Variants in SLC26A7 observed in about 807,000 individuals in gnomAD.
SLC26A7 encodes anion exchange transporter.
SLC26A7 carries 59 observed loss-of-function variants against 82.5 expected under a neutral mutation model. That is an observed-to-expected ratio of 0.72 (90% CI 0.58 to 0.89). The LOEUF (loss-of-function observed/expected upper bound fraction) is 0.89. SLC26A7 is among the 40% of genes least tolerant of loss of function. SLC26A7 has a pLI of 0.00. For missense variants in SLC26A7, 820 were observed against 793.0 expected (o/e 1.03, Z -0.41); for synonymous variants, 271 against 274.3 (o/e 0.99, Z 0.12).
chr8:91,249,748 C>T lies in SLC26A7; in HGVS notation c.97C>T (p.Pro33Ser), dbSNP rs1314773572. 1.2e-6 allele frequency: 2 copies of T among 1,612,428 alleles called. No individual in the cohort carries two copies. Among genetic ancestry groups the T allele is most frequent in the Non-Finnish European group, 8.5e-7 (1 of 1,179,146 alleles). ...DIIQWCRRRL[P>S]ILDWAPHYNL... is the part of the protein sequence containing the mutation. ...TATACAGTGGTGTAGAAGGCGACTG[C>T]CCATTTTGGATTGGGCACCACATTA... Residue 33 changes from proline (P) to serine (S), a missense_variant, in exon 2 of 19, where the codon CCC becomes TCC. Physicochemically the swap from Pro to Ser is moderately conservative, Grantham distance 74. Coordinates refer to ENST00000276609, the MANE Select transcript of SLC26A7 (RefSeq NM_052832.4).
At chr8:91,340,280 T>A in intron 7 of SLC26A7, 124 bp from the exon 8 acceptor site, 1 of 1,237,596 alleles carries the variant, frequency 8.1e-7, no homozygotes, top group Non-Finnish European at 1.1e-6. Flanking sequence ...CTGCTTGGTT[T>A]TCTCATGGGT....
intron 16 of SLC26A7, among the ~76,000 whole-genome samples, chr8:91,390,959 G>A (rs1814950763): frequency 6.6e-6 from 1 of 152,138 alleles, no homozygotes; most frequent in African/African-American, 2.4e-5. Context: ...TGTGGAGGAG[G>A]GGATAGTCTT....
rs1344856581 is a variant in SLC26A7 at position 91,261,294 on chromosome 8, G to A, written c.193+11450G>A. On this transcript the variant is annotated intron_variant, in intron 2 of 18. Coordinates refer to ENST00000276609, the MANE Select transcript of SLC26A7 (RefSeq NM_052832.4). The stretch of plus-strand genomic sequence containing the variant: ...TATAAGACAACAATCCAGCCCACAA[G>A]GGGCTTATTATTTTTTCTGTCTTCA... Among the ~76,000 whole-genome samples, 8 of 152,210 alleles carry A rather than the reference G, an allele frequency of 5.3e-5. 1 individual carries two copies. In the East Asian group the frequency reaches 1.5e-3, roughly 29 times the overall value.
At chr8:91,343,522 G>GAAT in intron 9 of SLC26A7, 56 bp downstream of exon 9, 9 of 1,188,592 alleles carry the variant, frequency 7.6e-6, no homozygotes, top group Non-Finnish European at 8.5e-6. Context: ...TCCCATTCTA[G>GAAT]GAGAGTGGGA....
At chr8:91,346,774 C>T (rs1813574888) in intron 9 of SLC26A7, among the ~76,000 whole-genome samples, 1 of 152,182 alleles carries the variant, frequency 6.6e-6, no homozygotes, top group South Asian at 2.1e-4. Flanking sequence ...CGTCCTGGCA[C>T]AGCCTCCTCT....
chr8:91,340,729 T>C lies in SLC26A7; in HGVS notation c.1026+178T>C. 7 of 687,506 alleles carry C rather than the reference T, an allele frequency of 1.0e-5. No individual in the cohort carries two copies. In the South Asian group the frequency reaches 1.3e-4, roughly 13 times the overall value. 42.6% of individuals were successfully genotyped at this position (687,506 alleles called of 1,614,324 possible). ...TTCATAGGAAGCTAAAAACCTGACA[T>C]TGATTGTTCACAATGCTTTTTATTT... On this transcript the variant is annotated intron_variant, in intron 8 of 18. Transcript: ENST00000276609.
At chr8:91,350,104 G>A (rs1813672324) in intron 9 of SLC26A7, among the ~76,000 whole-genome samples, 1 of 151,938 alleles carries the variant, frequency 6.6e-6, no homozygotes, top group Non-Finnish European at 1.5e-5. Flanking sequence ...TTTCCCCTTT[G>A]TATGCTGACG....
chr8:91,369,236 C>T (rs1276121868), intron 14 of SLC26A7, among the ~76,000 whole-genome samples: 4 of 151,994 alleles, frequency 2.6e-5, no homozygotes, highest in East Asian at 1.9e-4. Context: ...CATATAGTGA[C>T]GAGTGAAGAA....
intron 2 of SLC26A7, among the ~76,000 whole-genome samples, chr8:91,263,831 T>C (rs1246511347): frequency 6.6e-6 from 1 of 152,088 alleles, no homozygotes; most frequent in Non-Finnish European, 1.5e-5. Flanking sequence ...CTGAGATCTG[T>C]AGGTGCAGGG....
chr8:91,361,831 A>C (rs1814058428), intron 11 of SLC26A7, among the ~76,000 whole-genome samples: 1 of 152,122 alleles, frequency 6.6e-6, no homozygotes, highest in Middle Eastern at 3.2e-3. Context: ...TGATCTTCAT[A>C]GTGATTGATC....
At chr8:91,229,903 G>T (rs956218563) in intron 2 of SLC26A7, among the ~76,000 whole-genome samples, 1 of 152,120 alleles carries the variant, frequency 6.6e-6, no homozygotes, top group Non-Finnish European at 1.5e-5. Context: ...TAAAAAATTC[G>T]TTTATCTGAA....
chr8:91,356,445 A>C (rs1813870119), intron 11 of SLC26A7, among the ~76,000 whole-genome samples: 1 of 151,976 alleles, frequency 6.6e-6, no homozygotes, highest in Non-Finnish European at 1.5e-5. Flanking sequence ...ATGGTATCTC[A>C]TTGTGGTTTT....
chr8:91,242,113 T>A (rs10956797), intron 2 of SLC26A7, among the ~76,000 whole-genome samples: 104,000 of 152,054 alleles, frequency 0.68, 35,953 homozygotes, highest in Middle Eastern at 0.76. Flanking sequence ...TTTTCTCTGC[T>A]ATTATTATCC....
chr8:91,308,575 T>C (rs1335530834), intron 4 of SLC26A7, among the ~76,000 whole-genome samples: 1 of 152,112 alleles, frequency 6.6e-6, no homozygotes, highest in Non-Finnish European at 1.5e-5. Flanking sequence ...CTGTATTCTG[T>C]GGAAATAAGT....
intron 2 of SLC26A7, among the ~76,000 whole-genome samples, chr8:91,277,931 G>T (rs971680291): frequency 1.3e-5 from 2 of 152,148 alleles, no homozygotes; most frequent in African/African-American, 4.8e-5. Flanking sequence ...TGTAAACCAA[G>T]AGGGCAGGAG....
chr8:91,363,452 T>G lies in SLC26A7; in HGVS notation c.1422-20T>G. On this transcript the variant is annotated intron_variant, in intron 12 of 18. Transcript: ENST00000276609. ...GATTAGGAAATGACTTGTTTTATTTTCTATCTGCTTTAATTTCAGAGCAAT... is the reference window on the plus strand; with the variant it reads ...GATTAGGAAATGACTTGTTTTATTTGCTATCTGCTTTAATTTCAGAGCAAT... The G allele has an allele frequency of 1.1e-5, 16 of 1,424,820 alleles. No individual in the cohort carries two copies. The highest frequency in any genetic ancestry group is 1.5e-5 in the Non-Finnish European group (16 of 1,033,190). The allele number at this position is 1,424,820 out of a possible 1,614,324, so 88.3% of individuals were successfully genotyped here.
intron 5 of SLC26A7, among the ~76,000 whole-genome samples, chr8:91,331,258 C>A (rs1334319006): frequency 6.6e-6 from 1 of 152,114 alleles, no homozygotes; most frequent in Non-Finnish European, 1.5e-5. Context: ...AAACCATATG[C>A]ATTTATCTGA....
intron 2 of SLC26A7, among the ~76,000 whole-genome samples, chr8:91,279,592 C>T (rs546535935): frequency 1.3e-5 from 2 of 152,226 alleles, no homozygotes; most frequent in Non-Finnish European, 1.5e-5. Context: ...GACGGAGTCT[C>T]GCTGTTGCCC....
At chr8:91,393,088 G>T (rs1808453994) in intron 16 of SLC26A7, among the ~76,000 whole-genome samples, 1 of 152,098 alleles carries the variant, frequency 6.6e-6, no homozygotes, top group South Asian at 2.1e-4. Flanking sequence ...TATATTTTAT[G>T]TGTCAGATAC....
Sources: gnomAD v4.1 joint callset for allele counts (sites outside exome capture counted in the v4.1 genomes callset) on GRCh38, gnomAD v4.1.1 for gene constraint, MANE v1.5 for transcripts, NCBI Gene and HGNC (gene_info 2026-07-23, HGNC 2026-07-21) for gene names.